Variants in MYO16 observed in about 807,000 individuals in gnomAD.
The protein encoded by MYO16 is unconventional myosin-XVI.
Under a neutral mutation model 205.3 loss-of-function variants are expected in MYO16, and 94 were observed. The observed-to-expected ratio is 0.46, with a 90% CI of 0.39 to 0.54. The LOEUF is 0.54. MYO16 is among the 20% of genes least tolerant of loss of function. The probability of loss-of-function intolerance (pLI) is 0.00; values close to 1 mark genes in which losing one functional copy is unlikely to be tolerated. For synonymous variants in MYO16, 988 were observed against 954.0 expected, an observed-to-expected ratio of 1.04 and a Z score of -0.66; for missense variants, 2,315 against 2,387.5, an observed-to-expected ratio of 0.97 and a Z score of 0.63.
chr13:108,550,082 C>T, the MYO16 span, among the ~76,000 whole-genome samples: 13 of 152,252 alleles, frequency 8.5e-5, no homozygotes, highest in African/African-American at 1.4e-4. Flanking sequence ...TTTGTGGACC[C>T]GTGGCCTGGA....
chr13:109,106,387 A>T (rs1463320407), intron 28 of MYO16, among the ~76,000 whole-genome samples: 2 of 152,232 alleles, frequency 1.3e-5, no homozygotes, highest in African/African-American at 4.8e-5. Context: ...AACTGTGTAT[A>T]GTTAATCAAA....
chr13:109,002,070 A>G lies in MYO16; in HGVS notation c.2443-6827A>G, dbSNP rs564285645. On this transcript the variant is annotated intron_variant, in intron 21 of 34. Transcript: ENST00000457511. ...TCAGTGTGTTCAACCATGTCTACCC[A>G]TTAGAATCACCTGGAAAGCTTTTTA... Among the ~76,000 whole-genome samples, 3 of 152,278 alleles carry G rather than the reference A, an allele frequency of 2.0e-5. No homozygotes were observed. The South Asian group carries it at 6.2e-4, about 32-fold the overall frequency.
chr13:109,154,386 C>A (rs1566537504), intron 32 of MYO16, among the ~76,000 whole-genome samples: 1 of 152,148 alleles, frequency 6.6e-6, no homozygotes, highest in Non-Finnish European at 1.5e-5. Context: ...TGCTCAAGGT[C>A]GATGACTCAT....
At chr13:109,076,994 C>CT (rs1555329682) in intron 27 of MYO16, among the ~76,000 whole-genome samples, 12,003 of 103,376 alleles carry the variant, frequency 0.12, 594 homozygotes, top group African/African-American at 0.14. Flanking sequence ...TTTGTTTACA[C>CT]TTTTTTTTTT....
At chr13:108,683,855 G>A (rs1484671616) in intron 2 of MYO16, among the ~76,000 whole-genome samples, 4 of 152,142 alleles carry the variant, frequency 2.6e-5, no homozygotes, top group Non-Finnish European at 5.9e-5. Context: ...TGCCTCTGGC[G>A]ATTCTGAAGG....
chr13:108,751,996 A>C (rs1443212564), intron 4 of MYO16, among the ~76,000 whole-genome samples: 1 of 152,176 alleles, frequency 6.6e-6, no homozygotes. Flanking sequence ...TGTAGTGAAC[A>C]CTTCAGTTCA....
intron 1 of MYO16, among the ~76,000 whole-genome samples, chr13:108,632,078 C>CAAAAAA (rs59971095): frequency 3.0e-5 from 2 of 67,236 alleles, no homozygotes; most frequent in Admixed American, 1.8e-4. Context: ...AACCCCAACT[C>CAAAAAA]AAAAAAAAAA....
At chr13:108,510,425 A>ATTTTTTTT in the MYO16 span, among the ~76,000 whole-genome samples, 14 of 97,090 alleles carry the variant, frequency 1.4e-4, no homozygotes, top group East Asian at 3.5e-4. Flanking sequence ...TAGATAGTTA[A>ATTTTTTTT]TTTTTTTTTT....
At chr13:108,601,409 A>T (rs771135961) in intron 1 of MYO16, among the ~76,000 whole-genome samples, 17 of 152,150 alleles carry the variant, frequency 1.1e-4, no homozygotes, top group Non-Finnish European at 2.4e-4. Context: ...TAAATCACAT[A>T]TATATAAATT....
chr13:108,865,819 T>G (rs904156496), intron 11 of MYO16, among the ~76,000 whole-genome samples: 3 of 152,114 alleles, frequency 2.0e-5, no homozygotes, highest in Admixed American at 6.5e-5. Context: ...TAACAGAATT[T>G]GTTACTCCAT....
chr13:108,551,306 G>A, the MYO16 span, among the ~76,000 whole-genome samples: 1 of 152,130 alleles, frequency 6.6e-6, no homozygotes, highest in African/African-American at 2.4e-5. Flanking sequence ...CCCTCCTCCT[G>A]TAGCTTGCTC....
At chr13:108,917,372 G>A (rs1032610551) in intron 16 of MYO16, among the ~76,000 whole-genome samples, 18 of 152,138 alleles carry the variant, frequency 1.2e-4, no homozygotes, top group Admixed American at 1.0e-3. Flanking sequence ...AATGAGCAAG[G>A]AGCAACATGA....
intron 4 of MYO16, among the ~76,000 whole-genome samples, chr13:108,772,697 G>C (rs1886005523): frequency 6.6e-6 from 1 of 152,154 alleles, no homozygotes. Context: ...TTCTGGTTTT[G>C]ATCACTGTTG....
At chr13:108,503,749 T>C in the MYO16 span, among the ~76,000 whole-genome samples, 1 of 152,152 alleles carries the variant, frequency 6.6e-6, no homozygotes, top group Non-Finnish European at 1.5e-5. Flanking sequence ...ATATATGTAA[T>C]ATATATGCAC....
At chr13:108,722,044 G>A (rs1465823203) in intron 3 of MYO16, among the ~76,000 whole-genome samples, 4 of 152,216 alleles carry the variant, frequency 2.6e-5, no homozygotes, top group East Asian at 1.9e-4. Context: ...TCTTGAAATC[G>A]TCAATAATTT....
At chr13:108,868,168 G>A (rs1006651785) in intron 12 of MYO16, among the ~76,000 whole-genome samples, 1 of 152,264 alleles carries the variant, frequency 6.6e-6, no homozygotes, top group Non-Finnish European at 1.5e-5. Flanking sequence ...GTTGGAAAGA[G>A]TGGAATTGGT....
intron 2 of MYO16, among the ~76,000 whole-genome samples, chr13:108,710,938 A>C (rs767775263): frequency 3.9e-5 from 6 of 152,250 alleles, no homozygotes; most frequent in Non-Finnish European, 8.8e-5. Context: ...CTAGAGTAAA[A>C]GTGCTGTCTA....
Position 108,957,707 on chromosome 13 carries a change from C to G in MYO16, c.1945C>G (p.Gln649Glu). The G allele has an allele frequency of 6.2e-7, 1 of 1,612,714 alleles. No homozygotes were observed. Among genetic ancestry groups the G allele is most frequent in the African/African-American group, 1.3e-5 (1 of 75,010 alleles). The part of the protein sequence containing the change: ...CAHRYLNQTI[Q>E]DDASTGERSL... ...TAACAGGTATTTGAACCAGACCATA[C>G]AGGATGATGCATCCACAGGGGAGCG... Residue 649 changes from glutamine (Q) to glutamate (E), a missense_variant, in exon 17 of 35, where the codon CAG (glutamine) becomes GAG (glutamate). Physicochemically the swap from Gln to Glu is conservative, Grantham distance 29. Transcript: ENST00000457511.
chr13:108,700,346 AAAAAG>A (rs1485716824), intron 2 of MYO16, among the ~76,000 whole-genome samples: 69 of 21,360 alleles, frequency 3.2e-3, no homozygotes, highest in African/African-American at 6.7e-3. Context: ...AAAAAAAAAA[AAAAAG>A]AAGAAGAAGA....
Sources: gnomAD v4.1 joint callset for allele counts (sites outside exome capture counted in the v4.1 genomes callset) on GRCh38, gnomAD v4.1.1 for gene constraint, MANE v1.5 for transcripts, NCBI Gene and HGNC (gene_info 2026-07-23, HGNC 2026-07-21) for gene names.